SLAMF1: variants seen among roughly 807,000 people sequenced by gnomAD.
SLAMF1 encodes signaling lymphocytic activation molecule.
Under a neutral mutation model 35.1 loss-of-function variants are expected in SLAMF1, and 18 were observed. That is an observed-to-expected ratio of 0.51 (90% CI 0.35 to 0.76). The LOEUF (loss-of-function observed/expected upper bound fraction) is 0.76, where lower values mean the gene tolerates loss of function less well. Among genes scored for constraint, SLAMF1 ranks in the 30% least tolerant of loss-of-function variants. The pLI is 0.01. For synonymous variants in SLAMF1, 168 were observed against 157.2 expected, an observed-to-expected ratio of 1.07 and a Z score of -0.51; for missense variants, 392 against 413.0, an observed-to-expected ratio of 0.95 and a Z score of 0.44.
rs934241556 is a variant in SLAMF1 at position 160,609,103 on chromosome 1, T to C, written c.*1645A>G. The stretch of plus-strand genomic sequence containing the variant: ...GCAGCAGTAACAGTAATATCAAGTT[T>C]CCAAGTCCAGCAGAGACAGTGAGGC... On this transcript the variant is annotated 3_prime_UTR_variant, in exon 7 of 7. Coordinates refer to ENST00000302035, the MANE Select transcript of SLAMF1 (RefSeq NM_003037.5). 6.6e-6 allele frequency: 1 copy of C among 152,254 alleles called. No individual in the cohort carries two copies. The highest frequency in any genetic ancestry group is 1.5e-5 in the Non-Finnish European group (1 of 68,100). The allele number at this position is 152,254 out of a possible 1,614,324, so 9.4% of individuals were successfully genotyped here.
chr1:160,643,788 T>C (rs1400186740), intron 1 of SLAMF1, among the ~76,000 whole-genome samples: 1 of 152,252 alleles, frequency 6.6e-6, no homozygotes, highest in Non-Finnish European at 1.5e-5. Context: ...CTCTTCCAGT[T>C]ATTTTGATAT....
At chr1:160,643,203 C>T (rs1372639178) in intron 1 of SLAMF1, among the ~76,000 whole-genome samples, 1 of 152,142 alleles carries the variant, frequency 6.6e-6, no homozygotes. Context: ...AGGTCTGCTC[C>T]TTATTCCAAC....
Position 160,646,937 on chromosome 1 carries a change from G to A in SLAMF1, c.9C>T (p.Pro3=), listed in dbSNP as rs775447886. 2 of 1,597,394 alleles carry A rather than the reference G, an allele frequency of 1.3e-6. No individual in the cohort carries two copies. Among genetic ancestry groups the A allele is most frequent in the African/African-American group, 2.7e-5 (2 of 74,624 alleles). The change falls in exon 1 of 7, where the codon CCC becomes CCT. Residue 3 remains proline (P), a synonymous_variant. Transcript: ENST00000302035. The part of the protein sequence containing the change: MD[P]KGLLSLTFVL... ...CGAAGGTCAAGGAGAGGAGCCCCTT[G>A]GGATCCATCAGCCAATGAGGAGAAG...
Position 160,610,511 on chromosome 1 carries a change from A to G in SLAMF1, c.*237T>C. On this transcript the variant is annotated 3_prime_UTR_variant, in exon 7 of 7. Transcript: ENST00000302035. ...ACACAAAGATGGAACGCTGTTATCA[A>G]GTAACGCTCTGTTCTGCGCCTGCAG... The G allele has an allele frequency of 1.8e-6, 1 of 562,478 alleles. No homozygotes were observed. Among genetic ancestry groups the G allele is most frequent in the South Asian group, 1.9e-5 (1 of 52,918 alleles). 34.8% of individuals were successfully genotyped at this position (562,478 alleles called of 1,614,324 possible). A position where few individuals can be genotyped will look rare whatever the true frequency, so the allele number is the denominator to read the frequency against.
At position 160,609,969 on chromosome 1, in the gene SLAMF1, T is replaced by G. The variant is rs1463528841; in HGVS notation, c.*779A>C. The G allele has an allele frequency of 5.3e-6, 1 of 188,012 alleles. No individual in the cohort carries two copies. The highest frequency in any genetic ancestry group is 1.1e-5 in the Non-Finnish European group (1 of 89,366). 11.6% of individuals were successfully genotyped at this position (188,012 alleles called of 1,614,324 possible). On this transcript the variant is annotated 3_prime_UTR_variant, in exon 7 of 7. Transcript: ENST00000302035. ...ACCATGGGACAAGTTCCTCTGAGTA[T>G]TCCAAGCTCCTTTGTAACAGCACCA...
At chr1:160,637,120 A>G (rs757111255) in intron 2 of SLAMF1, 71 bp downstream of exon 2, 14 of 1,011,504 alleles carry the variant, frequency 1.4e-5, no homozygotes, top group Non-Finnish European at 2.2e-5. Context: ...TGCTTTTAAG[A>G]GAGACCTAAA....
Position 160,634,489 on chromosome 1 carries a change from A to G in SLAMF1, c.700+124T>C. The G allele has an allele frequency of 2.1e-6, 3 of 1,412,852 alleles. No homozygotes were observed. In the Admixed American group the frequency reaches 8.0e-5, roughly 38 times the overall value. The allele number at this position is 1,412,852 out of a possible 1,614,324, so 87.5% of individuals were successfully genotyped here. ...AAATGCACATGGTAAACTTTTGCAA[A>G]CTATAAAGAAAATGTAAAGTATTGT... On this transcript the variant is annotated intron_variant, in intron 3 of 6. Coordinates refer to ENST00000302035, the MANE Select transcript of SLAMF1 (RefSeq NM_003037.5).
intron 4 of SLAMF1, among the ~76,000 whole-genome samples, chr1:160,623,879 G>A (rs1410168076): frequency 1.3e-5 from 2 of 152,108 alleles, no homozygotes; most frequent in Admixed American, 6.6e-5. Context: ...GAAACCTGTG[G>A]CTCTTCTATT....
At chr1:160,634,944 G>A (rs1660358875) in intron 2 of SLAMF1, 47 bp from the exon 3 acceptor site, 1 of 1,530,908 alleles carries the variant, frequency 6.5e-7, no homozygotes, top group Non-Finnish European at 8.9e-7. Context: ...TGAACCCCTG[G>A]GAATTCTCAC....
intron 1 of SLAMF1, among the ~76,000 whole-genome samples, chr1:160,638,267 A>T (rs981449482): frequency 1.1e-4 from 16 of 152,056 alleles, no homozygotes; most frequent in African/African-American, 3.9e-4. Flanking sequence ...CTCCTCTCTC[A>T]TGTGACGACT....
intron 5 of SLAMF1, among the ~76,000 whole-genome samples, chr1:160,615,306 A>C (rs546456754): frequency 1.6e-3 from 239 of 152,246 alleles, no homozygotes; most frequent in Middle Eastern, 6.8e-3. Flanking sequence ...ACGGTCACTT[A>C]AATCAAGAGG....
At chr1:160,618,539 A>G (rs1659436688) in intron 5 of SLAMF1, among the ~76,000 whole-genome samples, 1 of 152,126 alleles carries the variant, frequency 6.6e-6, no homozygotes. Context: ...GCACTCTCCT[A>G]GGTGTATAGT....
At chr1:160,646,211 T>C (rs1397818120) in intron 1 of SLAMF1, among the ~76,000 whole-genome samples, 1 of 151,808 alleles carries the variant, frequency 6.6e-6, no homozygotes. Flanking sequence ...TCTCTGAGGG[T>C]TCCCAATTTG....
Position 160,619,804 on chromosome 1 carries a change from G to A in SLAMF1, c.836C>T (p.Thr279Met). 1 of 1,612,180 alleles carries A rather than the reference G, an allele frequency of 6.2e-7. No individual in the cohort carries two copies. Among genetic ancestry groups the A allele is most frequent in the Non-Finnish European group, 8.5e-7 (1 of 1,178,264 alleles). Residue 279 changes from threonine to methionine, a missense_variant, in exon 5 of 7, where the codon ACG (threonine) becomes ATG (methionine). Coordinates refer to ENST00000302035, the MANE Select transcript of SLAMF1 (RefSeq NM_003037.5). ...YQTTVEKKSLTIYAQVQKPGP... is the reference protein window; with the variant it reads ...YQTTVEKKSLMIYAQVQKPGP... ...TGGTTTCTGGACTTGGGCATAGATC[G>A]TAAGGCTTTTTTTTTCCACTGTTGT...
chr1:160,639,455 G>T (rs1660628449), intron 1 of SLAMF1, among the ~76,000 whole-genome samples: 1 of 152,122 alleles, frequency 6.6e-6, no homozygotes, highest in Non-Finnish European at 1.5e-5. Context: ...TCGAACTCCT[G>T]ACCTCAAGTG....
chr1:160,615,062 AT>A (rs1659216459), intron 5 of SLAMF1, among the ~76,000 whole-genome samples: 1 of 152,148 alleles, frequency 6.6e-6, no homozygotes, highest in Admixed American at 6.5e-5. Context: ...ATGTTATTAT[AT>A]TCTTTATAAG....
At chr1:160,618,052 G>A (rs1448799913) in intron 5 of SLAMF1, among the ~76,000 whole-genome samples, 3 of 151,390 alleles carry the variant, frequency 2.0e-5, no homozygotes, top group Non-Finnish European at 2.9e-5. Context: ...CAGCCTGGGC[G>A]ATAAAGCAAG....
intron 3 of SLAMF1, among the ~76,000 whole-genome samples, chr1:160,629,219 C>A (rs1237014835): frequency 6.6e-6 from 1 of 152,106 alleles, no homozygotes; most frequent in Non-Finnish European, 1.5e-5. Flanking sequence ...GATAACTTGG[C>A]AGACAGTCAC....
chr1:160,622,650 C>A (rs1271370174), intron 4 of SLAMF1, among the ~76,000 whole-genome samples: 1 of 152,178 alleles, frequency 6.6e-6, no homozygotes, highest in Admixed American at 6.5e-5. Flanking sequence ...TGTATTGATA[C>A]CAATCTCCAC....
Sources: gnomAD v4.1 joint callset for allele counts (sites outside exome capture counted in the v4.1 genomes callset) on GRCh38, gnomAD v4.1.1 for gene constraint, MANE v1.5 for transcripts, NCBI Gene and HGNC (gene_info 2026-07-23, HGNC 2026-07-21) for gene names.